Variants in CFTR observed in about 807,000 individuals in gnomAD.
CFTR encodes the protein cystic fibrosis transmembrane conductance regulator.
Under a neutral mutation model 171.6 loss-of-function variants are expected in CFTR, and 181 were observed. The observed-to-expected ratio is 1.05, with a 90% CI of 0.93 to 1.19. The LOEUF (loss-of-function observed/expected upper bound fraction) is 1.19, where lower values mean the gene tolerates loss of function less well. Ranked by LOEUF, CFTR falls within the 50% of genes most tolerant of loss-of-function variation. CFTR has a pLI of 0.00. For synonymous variants in CFTR, 583 were observed against 608.0 expected, an observed-to-expected ratio of 0.96 and a Z score of 0.60; for missense variants, 1,968 against 1,734.7, an observed-to-expected ratio of 1.13 and a Z score of -2.39.
Position 117,566,599 on chromosome 7 carries a change from TAA to T in CFTR, c.1584+6958_1584+6959del, listed in dbSNP as rs74273928. Among the ~76,000 whole-genome samples the T allele has an allele frequency of 4.3e-4, 60 of 140,464 alleles. No homozygotes were observed. The South Asian group carries it at 5.8e-3, about 14-fold the overall frequency. The allele number at this position is 140,464 out of a possible 152,430, so 92.1% of individuals were successfully genotyped here. Reference sequence around the variant, plus strand: ...TTTACTGTAATATGAAGCAATAACTTAAAAAAAAAAAAAAACTATTGAACCAG... The same window carrying T: ...TTTACTGTAATATGAAGCAATAACTTAAAAAAAAAAAAACTATTGAACCAG... On this transcript the variant is annotated intron_variant, in intron 11 of 26. Transcript: ENST00000003084.
intron 14 of CFTR, among the ~76,000 whole-genome samples, chr7:117,593,399 A>T (rs1792067365): frequency 6.6e-6 from 1 of 152,192 alleles, no homozygotes; most frequent in African/African-American, 2.4e-5. Flanking sequence ...ATGAATTGAT[A>T]TGTTTAATAG....
At chr7:117,569,597 G>T (rs1394705395) in intron 11 of CFTR, among the ~76,000 whole-genome samples, 1 of 152,174 alleles carries the variant, frequency 6.6e-6, no homozygotes, top group Non-Finnish European at 1.5e-5. Context: ...CTAAATAACA[G>T]TATGAGGGAG....
At chr7:117,503,691 G>A (rs1444452526) in intron 1 of CFTR, among the ~76,000 whole-genome samples, 1 of 152,112 alleles carries the variant, frequency 6.6e-6, no homozygotes, top group Non-Finnish European at 1.5e-5. Context: ...CTACCCTCAG[G>A]TAATGATTCA....
chr7:117,559,593 T>G lies in CFTR; in HGVS notation c.1522T>G (p.Phe508Val), dbSNP rs753920616. ...TGGCACCATTAAAGAAAATATCATCTTTGGTGTTTCCTATGATGAATATAG... is the reference window on the plus strand; with the variant it reads ...TGGCACCATTAAAGAAAATATCATCGTTGGTGTTTCCTATGATGAATATAG... ...MPGTIKENII[F>V]GVSYDEYRYR... Residue 508 changes from phenylalanine to valine, a missense_variant, in exon 11 of 27, where the codon TTT becomes GTT. Phe to Val is a conservative substitution (Grantham distance 50). Coordinates refer to ENST00000003084, the MANE Select transcript of CFTR (RefSeq NM_000492.4). 5.1e-6 allele frequency: 8 copies of G among 1,573,612 alleles called. No homozygotes were observed. The highest frequency in any genetic ancestry group is 7.0e-6 in the Non-Finnish European group (8 of 1,143,172).
At chr7:117,637,039 A>T (rs1792837192) in intron 22 of CFTR, among the ~76,000 whole-genome samples, 1 of 150,804 alleles carries the variant, frequency 6.6e-6, no homozygotes, top group Admixed American at 6.6e-5. Context: ...CGGGTCTTGA[A>T]CTCCTAACCT....
chr7:117,621,360 A>G (rs1792577212), intron 21 of CFTR, among the ~76,000 whole-genome samples: 1 of 152,198 alleles, frequency 6.6e-6, no homozygotes, highest in African/African-American at 2.4e-5. Flanking sequence ...AAGATAGTAA[A>G]TATTTTCAGC....
At chr7:117,666,439 A>G (rs868382304) in intron 26 of CFTR, among the ~76,000 whole-genome samples, 6 of 152,314 alleles carry the variant, frequency 3.9e-5, no homozygotes, top group Middle Eastern at 6.8e-3. Context: ...GACAAGTTCA[A>G]GAATCTAAGT....
At chr7:117,603,880 A>T (rs901602094) in intron 17 of CFTR, 98 bp downstream of exon 17, 1 of 1,312,244 alleles carries the variant, frequency 7.6e-7, no homozygotes, top group East Asian at 2.3e-5. Flanking sequence ...TTTTGCACAG[A>T]GGCATGTGCC....
chr7:117,600,980 G>A (rs923609174), intron 15 of CFTR, among the ~76,000 whole-genome samples: 1 of 151,976 alleles, frequency 6.6e-6, no homozygotes, highest in Non-Finnish European at 1.5e-5. Context: ...TGGAAACCGT[G>A]AGGAAATAAT....
At chr7:117,515,324 T>G (rs1554377290) in intron 3 of CFTR, among the ~76,000 whole-genome samples, 4 of 152,230 alleles carry the variant, frequency 2.6e-5, no homozygotes, top group Non-Finnish European at 5.9e-5. Flanking sequence ...AGTTAATTTT[T>G]GTATAAGGTA....
intron 22 of CFTR, among the ~76,000 whole-genome samples, chr7:117,640,075 A>G (rs1208713890): frequency 6.6e-6 from 1 of 152,146 alleles, no homozygotes; most frequent in East Asian, 1.9e-4. Flanking sequence ...TCTTGATCCA[A>G]CATTCTCAGG....
rs34477331 is a variant in CFTR at position 117,648,702 on chromosome 7, A to T, written c.3874-4140A>T. Among the ~76,000 whole-genome samples, 788 of 152,240 alleles carry T rather than the reference A, an allele frequency of 5.2e-3. 9 individuals are homozygous for T. Among genetic ancestry groups the T allele is most frequent in the African/African-American group, 0.017 (713 of 41,562 alleles). Reference sequence around the variant, plus strand: ...CTGTTTCATTTGTAAACCAGAGAAAAGGACTTGGGTGACCTCCAAAGACCT... The same window carrying T: ...CTGTTTCATTTGTAAACCAGAGAAATGGACTTGGGTGACCTCCAAAGACCT... On this transcript the variant is annotated intron_variant, in intron 23 of 26. Coordinates refer to ENST00000003084, the MANE Select transcript of CFTR (RefSeq NM_000492.4).
At chr7:117,621,188 G>C (rs1286830924) in intron 21 of CFTR, among the ~76,000 whole-genome samples, 2 of 152,112 alleles carry the variant, frequency 1.3e-5, no homozygotes, top group Admixed American at 6.6e-5. Flanking sequence ...TAGGGGGCAG[G>C]GTGACTGAGC....
rs532200317 is a variant in CFTR, at chr7:117,627,607, G to A, written c.3554G>A (p.Gly1185Asp). 1.9e-6 allele frequency: 3 copies of A among 1,613,410 alleles called. No individual in the cohort carries two copies. Among genetic ancestry groups the A allele is most frequent in the Admixed American group, 3.3e-5 (2 of 59,940 alleles). ...AAGTCAACCAAACCATACAAGAATGGCCAACTCTCGAAAGTTATGATTATT... is the reference window on the plus strand; with the variant it reads ...AAGTCAACCAAACCATACAAGAATGACCAACTCTCGAAAGTTATGATTATT... ...PTKSTKPYKN[G>D]QLSKVMIIEN... is the part of the protein sequence containing the mutation. Residue 1185 changes from glycine to aspartate, a missense_variant, in exon 22 of 27, where the codon GGC (glycine) becomes GAC (aspartate). Physicochemically the swap from Gly to Asp is moderately conservative, Grantham distance 94. Transcript: ENST00000003084.
At chr7:117,653,863 C>T (rs1193960210) in intron 24 of CFTR, among the ~76,000 whole-genome samples, 2 of 152,128 alleles carry the variant, frequency 1.3e-5, no homozygotes, top group African/African-American at 4.8e-5. Flanking sequence ...GCAGATTGCT[C>T]TCCAACTATG....
chr7:117,642,777 A>G (rs1792940733), intron 23 of CFTR, among the ~76,000 whole-genome samples, 184 bp downstream of exon 23: 2 of 152,174 alleles, frequency 1.3e-5, no homozygotes, highest in South Asian at 2.1e-4. Context: ...GGAATTCTCA[A>G]ATTCTGGTTA....
chr7:117,597,954 G>T (rs926380547), intron 15 of CFTR, among the ~76,000 whole-genome samples: 2 of 152,162 alleles, frequency 1.3e-5, no homozygotes, highest in Non-Finnish European at 2.9e-5. Context: ...ATGCTTAAAA[G>T]GGCCTGGCAG....
chr7:117,509,127 CTT>C lies in CFTR; in HGVS notation c.262_263del (p.Leu88IlefsTer22), dbSNP rs121908769. 1.2e-4 allele frequency: 193 copies of C among 1,579,474 alleles called. No individual in the cohort carries two copies. Among genetic ancestry groups the C allele is most frequent in the Non-Finnish European group, 5.7e-5 (65 of 1,148,806 alleles). ...FFWRFMFYGI[F>X]LYLGEVTKAV... ...TCTGGAGATTTATGTTCTATGGAAT[CTT>C]TTTATATTTAGGGGTAAGGATCTCA... is the stretch of plus-strand genomic sequence containing the variant. On this transcript the variant is annotated frameshift_variant, in exon 3 of 27. Transcript: ENST00000003084. LOFTEE classifies it high-confidence loss of function.
intron 3 of CFTR, 89 bp from the exon 4 acceptor site, chr7:117,530,810 C>A: frequency 1.1e-6 from 1 of 885,300 alleles, no homozygotes; most frequent in Non-Finnish European, 1.8e-6. Context: ...TAAGTCTCCT[C>A]TAAAGATGAA....
Sources: allele counts gnomAD v4.1 joint callset (sites outside exome capture counted in the v4.1 genomes callset), GRCh38; gene constraint gnomAD v4.1.1; transcripts MANE v1.5; gene names NCBI Gene and HGNC (gene_info 2026-07-23, HGNC 2026-07-21).